The following KIF20B variants were observed in gnomAD, a reference collection of about 807,000 sequenced individuals.
KIF20B encodes the protein kinesin-like protein KIF20B.
In KIF20B, 188 loss-of-function variants were observed where a neutral mutation model predicts 232.5. The observed-to-expected ratio is 0.81, with a 90% CI of 0.72 to 0.91. The LOEUF (loss-of-function observed/expected upper bound fraction) is 0.91, where lower values mean the gene tolerates loss of function less well. KIF20B is among the 40% of genes least tolerant of loss of function. The pLI is 0.00. For missense variants in KIF20B, 2,154 were observed against 2,055.9 expected, an observed-to-expected ratio of 1.05 and a Z score of -0.92; for synonymous variants, 712 against 683.0, an observed-to-expected ratio of 1.04 and a Z score of -0.66.
In KIF20B at chr10:89,774,581, G is replaced by A. The variant is rs761083323; in HGVS notation, c.*533G>A. 4 of 151,760 alleles carry A rather than the reference G, an allele frequency of 2.6e-5. No homozygotes were observed. Among genetic ancestry groups the A allele is most frequent in the African/African-American group, 9.7e-5 (4 of 41,320 alleles). 9.4% of individuals were successfully genotyped at this position (151,760 alleles called of 1,614,324 possible). On this transcript the variant is annotated 3_prime_UTR_variant, in exon 33 of 33. Coordinates refer to ENST00000371728, the MANE Select transcript of KIF20B (RefSeq NM_001284259.2). ...GTACATAGTACATGTATATATTTAC[G>A]GGGTATGTGAGATGTTTTGACACAG... is the stretch of plus-strand genomic sequence containing the variant.
chr10:89,738,400 A>G lies in KIF20B; in HGVS notation c.3559A>G (p.Ile1187Val). 1 of 1,601,736 alleles carries G rather than the reference A, an allele frequency of 6.2e-7. No individual in the cohort carries two copies. The highest frequency in any genetic ancestry group is 8.5e-7 in the Non-Finnish European group (1 of 1,176,976). The change falls in exon 20 of 33, where the codon ATT becomes GTT. Residue 1187 changes from isoleucine to valine, a missense_variant. Coordinates refer to ENST00000371728, the MANE Select transcript of KIF20B (RefSeq NM_001284259.2). Reference protein sequence around the residue: ...CSHSAKLEQDILEKESIILKL... With the variant: ...CSHSAKLEQDVLEKESIILKL... ...TCATTCAGCCAAGTTAGAACAAGAC[A>G]TTTTGGAAAAGGAATCTATCATCTT... is the stretch of plus-strand genomic sequence containing the variant.
intron 15 of KIF20B, 46 bp downstream of exon 15, chr10:89,725,204 C>T: frequency 6.3e-7 from 1 of 1,577,274 alleles, no homozygotes; most frequent in Non-Finnish European, 8.7e-7. Flanking sequence ...GGTTTTGGTA[C>T]CAGGGTTTAG....
At chr10:89,703,589 G>A (rs2133074862) in intron 1 of KIF20B, among the ~76,000 whole-genome samples, 1 of 152,224 alleles carries the variant, frequency 6.6e-6, no homozygotes, top group South Asian at 2.1e-4. Context: ...TGGCTTGGGG[G>A]TCTTGATAAT....
intron 31 of KIF20B, among the ~76,000 whole-genome samples, chr10:89,771,561 T>C (rs956650491): frequency 6.6e-6 from 1 of 152,096 alleles, no homozygotes; most frequent in Non-Finnish European, 1.5e-5. Flanking sequence ...AAGCTAGTCA[T>C]GCTCTTACTC....
chr10:89,704,296 C>T (rs1385910041), intron 1 of KIF20B, among the ~76,000 whole-genome samples: 2 of 152,044 alleles, frequency 1.3e-5, no homozygotes, highest in Non-Finnish European at 2.9e-5. Context: ...CAGAGTCCTC[C>T]TCCTCTCTCT....
chr10:89,735,477 A>G (rs1841629478), intron 19 of KIF20B, among the ~76,000 whole-genome samples: 1 of 152,006 alleles, frequency 6.6e-6, no homozygotes, highest in South Asian at 2.1e-4. Context: ...CATTAAAAAG[A>G]AAAATGTACC....
At chr10:89,714,006 GA>G (rs1414234654) in intron 6 of KIF20B, 40 bp from the exon 7 acceptor site, 2 of 1,025,994 alleles carry the variant, frequency 1.9e-6, no homozygotes, top group African/African-American at 1.7e-5. Context: ...TAACCTTAAT[GA>G]AAATGTTTTT....
At position 89,762,605 on chromosome 10, in the gene KIF20B, A is replaced by C. The variant is rs756587517; in HGVS notation, c.4792-33A>C. 3.3e-6 allele frequency: 5 copies of C among 1,514,136 alleles called. No homozygotes were observed. In the East Asian group the frequency reaches 1.1e-4, roughly 34 times the overall value. The allele number at this position is 1,514,136 out of a possible 1,614,324, so 93.8% of individuals were successfully genotyped here. On this transcript the variant is annotated intron_variant, in intron 28 of 32. Transcript: ENST00000371728. ...TGTGGTTTATAAATGTATACTCTAC[A>C]AATAATATTTTTCCTTTTACATTCT...
intron 25 of KIF20B, among the ~76,000 whole-genome samples, 167 bp downstream of exon 25, chr10:89,752,858 A>G (rs567271204): frequency 9.8e-5 from 15 of 152,326 alleles, no homozygotes; most frequent in Admixed American, 7.2e-4. Context: ...CATTGAAATG[A>G]CATGGGGAAG....
At chr10:89,745,532 CAAATAAAT>C (rs530759062) in intron 22 of KIF20B, among the ~76,000 whole-genome samples, 1 of 151,876 alleles carries the variant, frequency 6.6e-6, no homozygotes, top group Non-Finnish European at 1.5e-5. Flanking sequence ...CAAAAACAAA[CAAATAAAT>C]AAATAAATAA....
intron 13 of KIF20B, among the ~76,000 whole-genome samples, chr10:89,721,054 G>A (rs10881633): frequency 0.31 from 46,944 of 151,964 alleles, 8,158 homozygotes; most frequent in African/African-American, 0.46. Flanking sequence ...TATAGATGGA[G>A]TCCTCTTACC....
chr10:89,761,863 A>G (rs964272046), intron 28 of KIF20B, among the ~76,000 whole-genome samples: 82 of 152,238 alleles, frequency 5.4e-4, no homozygotes, highest in African/African-American at 1.9e-3. Context: ...CCTGGTTCCA[A>G]TTTTCTAATT....
At chr10:89,756,211 A>G (rs1842115855) in intron 26 of KIF20B, among the ~76,000 whole-genome samples, 1 of 152,186 alleles carries the variant, frequency 6.6e-6, no homozygotes, top group Admixed American at 6.5e-5. Flanking sequence ...TCATGAAATC[A>G]TTTTATTTAC....
At chr10:89,729,381 C>T in intron 18 of KIF20B, 134 bp downstream of exon 18, 1 of 900,256 alleles carries the variant, frequency 1.1e-6, no homozygotes, top group East Asian at 4.3e-5. Flanking sequence ...CAACATTGAA[C>T]TCAATTTACT....
At chr10:89,757,997 A>G (rs1053129642) in intron 26 of KIF20B, among the ~76,000 whole-genome samples, 4 of 151,686 alleles carry the variant, frequency 2.6e-5, no homozygotes, top group African/African-American at 7.3e-5. Flanking sequence ...TGCTGTCTTG[A>G]TTATTGTGCT....
intron 18 of KIF20B, among the ~76,000 whole-genome samples, chr10:89,732,251 C>T (rs564161565): frequency 2.4e-4 from 37 of 152,144 alleles, no homozygotes; most frequent in Middle Eastern, 6.8e-3. Flanking sequence ...CTTAGCCTTC[C>T]GAGTAGCTGG....
At chr10:89,725,251 T>G (rs997370857) in intron 15 of KIF20B, 93 bp downstream of exon 15, 2 of 1,141,246 alleles carry the variant, frequency 1.8e-6, no homozygotes, top group Admixed American at 4.3e-5. Flanking sequence ...CAAGATAGTT[T>G]AGAATTAAAA....
chr10:89,744,773 G>T (rs569077909), intron 22 of KIF20B, among the ~76,000 whole-genome samples: 9 of 149,488 alleles, frequency 6.0e-5, no homozygotes, highest in African/African-American at 2.3e-4. Context: ...TGAATAGTCA[G>T]GTATAAATAC....
At chr10:89,751,271 A>G in intron 23 of KIF20B, 75 bp from the exon 24 acceptor site, 6 of 1,201,676 alleles carry the variant, frequency 5.0e-6, no homozygotes, top group Non-Finnish European at 7.1e-6. Flanking sequence ...AATGTATTTT[A>G]ATTTTAGAAG....
Sources: gnomAD v4.1 joint callset for allele counts (sites outside exome capture counted in the v4.1 genomes callset) on GRCh38, gnomAD v4.1.1 for gene constraint, MANE v1.5 for transcripts, NCBI Gene and HGNC (gene_info 2026-07-23, HGNC 2026-07-21) for gene names.